Variants in FUT9 observed in about 807,000 individuals in gnomAD.
FUT9 encodes the protein 4-galactosyl-N-acetylglucosaminide 3-alpha-L-fucosyltransferase 9.
A neutral mutation model predicts 29.7 loss-of-function variants in FUT9; 15 were observed. The ratio of observed to expected loss-of-function variants is 0.51; its 90% CI spans 0.34 to 0.78. The LOEUF (loss-of-function observed/expected upper bound fraction) is 0.78, where lower values mean the gene tolerates loss of function less well. Ranked by LOEUF, FUT9 falls within the 30% of genes least tolerant of loss-of-function variation. The probability of loss-of-function intolerance (pLI) is 0.01; values close to 1 mark genes in which losing one functional copy is unlikely to be tolerated. For synonymous variants in FUT9, 169 were observed against 153.7 expected (o/e 1.10, Z -0.74); for missense variants, 319 against 425.4 (o/e 0.75, Z 2.20).
At chr6:96,024,316 C>T (rs1443940269) in intron 1 of FUT9, among the ~76,000 whole-genome samples, 1 of 151,796 alleles carries the variant, frequency 6.6e-6, no homozygotes, top group African/African-American at 2.4e-5. Flanking sequence ...AGTAATATTT[C>T]TCTTTAAATA....
intron 2 of FUT9, among the ~76,000 whole-genome samples, chr6:96,195,055 C>T (rs938189213): frequency 6.6e-6 from 1 of 152,006 alleles, no homozygotes; most frequent in Non-Finnish European, 1.5e-5. Context: ...GAGGCTAATC[C>T]CTGAATTTGT....
chr6:96,113,071 GTTTGT>G (rs1771840551), intron 1 of FUT9, among the ~76,000 whole-genome samples: 1 of 23,816 alleles, frequency 4.2e-5, no homozygotes, highest in Non-Finnish European at 3.7e-4. Context: ...AACTTTTTTT[GTTTGT>G]TTTTTTGTGA....
intron 1 of FUT9, among the ~76,000 whole-genome samples, chr6:96,082,091 C>A (rs866883003): frequency 1.3e-5 from 2 of 151,670 alleles, no homozygotes; most frequent in Non-Finnish European, 3.0e-5. Context: ...TTTATAAATA[C>A]CTTCTTCCAG....
At chr6:96,095,072 T>A (rs1771473020) in intron 1 of FUT9, among the ~76,000 whole-genome samples, 1 of 152,110 alleles carries the variant, frequency 6.6e-6, no homozygotes, top group Non-Finnish European at 1.5e-5. Flanking sequence ...TCGTGATATG[T>A]GGTAAATTCT....
At chr6:96,116,570 G>A (rs1771914945) in intron 2 of FUT9, among the ~76,000 whole-genome samples, 2 of 152,102 alleles carry the variant, frequency 1.3e-5, no homozygotes, top group Admixed American at 6.5e-5. Flanking sequence ...AACAGACTGT[G>A]GTAAATCTAT....
intron 2 of FUT9, among the ~76,000 whole-genome samples, chr6:96,178,309 G>A (rs1051483550): frequency 6.6e-6 from 1 of 151,972 alleles, no homozygotes; most frequent in Non-Finnish European, 1.5e-5. Context: ...ATATCACAAC[G>A]TATTTCCTCA....
At chr6:96,096,342 C>T (rs186838712) in intron 1 of FUT9, among the ~76,000 whole-genome samples, 121 of 152,190 alleles carry the variant, frequency 8.0e-4, no homozygotes, top group African/African-American at 2.9e-3. Context: ...TCCCTCATCT[C>T]AATAATTGTA....
intron 2 of FUT9, among the ~76,000 whole-genome samples, chr6:96,160,434 C>G (rs1015146785): frequency 6.6e-6 from 1 of 152,144 alleles, no homozygotes; most frequent in South Asian, 2.1e-4. Flanking sequence ...CAAAGACTTG[C>G]TTTACCTGAT....
chr6:96,156,759 G>C (rs1424888233), intron 2 of FUT9, among the ~76,000 whole-genome samples: 1 of 152,044 alleles, frequency 6.6e-6, no homozygotes, highest in Non-Finnish European at 1.5e-5. Context: ...TCCTTTCACT[G>C]GTTTTGAAGG....
chr6:96,201,591 C>A (rs1562163021), intron 2 of FUT9, among the ~76,000 whole-genome samples: 1 of 151,854 alleles, frequency 6.6e-6, no homozygotes, highest in East Asian at 1.9e-4. Context: ...AAATATACAA[C>A]AAAATTTGGC....
intron 1 of FUT9, among the ~76,000 whole-genome samples, chr6:96,085,410 T>A (rs1472378000): frequency 6.6e-6 from 1 of 152,190 alleles, no homozygotes; most frequent in Non-Finnish European, 1.5e-5. Flanking sequence ...CTCTTTGTGG[T>A]CTCTTTTATA....
At chr6:96,194,808 G>T (rs778573710) in intron 2 of FUT9, among the ~76,000 whole-genome samples, 1 of 152,022 alleles carries the variant, frequency 6.6e-6, no homozygotes, top group Non-Finnish European at 1.5e-5. Flanking sequence ...GGCCTCAAAG[G>T]GTGCTGGAAA....
At chr6:96,108,216 A>T (rs1306849767) in intron 1 of FUT9, among the ~76,000 whole-genome samples, 6 of 152,066 alleles carry the variant, frequency 3.9e-5, no homozygotes, top group Non-Finnish European at 7.4e-5. Context: ...TGAGGGGAAA[A>T]TTTTCTTTTC....
intron 2 of FUT9, among the ~76,000 whole-genome samples, chr6:96,198,451 C>A (rs1438677636): frequency 6.6e-6 from 1 of 152,076 alleles, no homozygotes; most frequent in African/African-American, 2.4e-5. Context: ...ATGAACTCAT[C>A]CTTTTTTATG....
At chr6:96,174,257 C>A (rs912048051) in intron 2 of FUT9, among the ~76,000 whole-genome samples, 2 of 151,972 alleles carry the variant, frequency 1.3e-5, no homozygotes, top group East Asian at 3.9e-4. Context: ...TATTTAAGGG[C>A]AGCACATTAT....
At chr6:96,173,015 G>A (rs1562151670) in intron 2 of FUT9, among the ~76,000 whole-genome samples, 1 of 152,092 alleles carries the variant, frequency 6.6e-6, no homozygotes, top group Non-Finnish European at 1.5e-5. Context: ...GTAGAAAATG[G>A]GAGGTGTGAA....
intron 1 of FUT9, among the ~76,000 whole-genome samples, chr6:96,024,962 T>G (rs1770137717): frequency 6.6e-6 from 1 of 151,966 alleles, no homozygotes; most frequent in East Asian, 1.9e-4. Flanking sequence ...ATAGATTTTC[T>G]CATTACTTCC....
intron 2 of FUT9, among the ~76,000 whole-genome samples, chr6:96,151,757 C>T (rs1772680905): frequency 6.6e-6 from 1 of 152,152 alleles, no homozygotes; most frequent in South Asian, 2.1e-4. Context: ...CTAAGGAATA[C>T]TTTACCCTTT....
intron 2 of FUT9, among the ~76,000 whole-genome samples, chr6:96,186,139 C>A (rs1245241043): frequency 6.6e-6 from 1 of 152,022 alleles, no homozygotes; most frequent in Non-Finnish European, 1.5e-5. Context: ...TTCTAAAAAT[C>A]TCTTTACTTT....
Sources: gnomAD v4.1 joint callset for allele counts (sites outside exome capture counted in the v4.1 genomes callset) on GRCh38, gnomAD v4.1.1 for gene constraint, MANE v1.5 for transcripts, NCBI Gene and HGNC (gene_info 2026-07-23, HGNC 2026-07-21) for gene names.